Variants in RBFOX1 observed in about 807,000 individuals in gnomAD.
RBFOX1 encodes RNA binding fox-1 homolog 1.
RBFOX1 carries 8 observed loss-of-function variants against 57.7 expected under a neutral mutation model. That is an observed-to-expected ratio of 0.14 (90% CI 0.08 to 0.25). RBFOX1 has a LOEUF of 0.25. Ranked by LOEUF, RBFOX1 falls within the 10% of genes least tolerant of loss-of-function variation. The pLI, the probability that RBFOX1 is intolerant of heterozygous loss-of-function variation, is 1.00. For synonymous variants in RBFOX1, 326 were observed against 222.4 expected (o/e 1.47, Z -4.15); for missense variants, 611 against 548.5 (o/e 1.11, Z -1.14).
At chr16:6,825,842 G>A (rs62017676) in intron 3 of RBFOX1, among the ~76,000 whole-genome samples, 43,161 of 152,016 alleles carry the variant, frequency 0.28, 6,612 homozygotes, top group East Asian at 0.49. Flanking sequence ...TCTTCCATCC[G>A]GAAGGAGGAA....
chr16:5,376,279 G>T (rs1166327886), intron 1 of RBFOX1, among the ~76,000 whole-genome samples: 1 of 152,094 alleles, frequency 6.6e-6, no homozygotes, highest in African/African-American at 2.4e-5. Flanking sequence ...GCGGAACTCT[G>T]ACACCCCAGT....
At chr16:6,298,431 G>C (rs150086739) in intron 1 of RBFOX1, among the ~76,000 whole-genome samples, 15 of 152,256 alleles carry the variant, frequency 9.9e-5, no homozygotes, top group African/African-American at 3.6e-4. Context: ...GCATCCCTAA[G>C]ACATAAAAAA....
chr16:5,424,952 CTT>C (rs1250478599), intron 1 of RBFOX1, among the ~76,000 whole-genome samples: 5 of 24,438 alleles, frequency 2.0e-4, no homozygotes, highest in African/African-American at 5.9e-4. Context: ...TTCTTTCTTC[CTT>C]TGTTTCTTTC....
intron 3 of RBFOX1, among the ~76,000 whole-genome samples, chr16:5,652,560 G>A (rs1053834761): frequency 1.3e-5 from 2 of 152,150 alleles, no homozygotes; most frequent in African/African-American, 4.8e-5. Context: ...CTTCGCCAAG[G>A]CCATACCATC....
intron 1 of RBFOX1, among the ~76,000 whole-genome samples, chr16:5,409,240 C>T (rs552952594): frequency 6.6e-6 from 1 of 152,264 alleles, no homozygotes; most frequent in East Asian, 1.9e-4. Flanking sequence ...CTTGGCCTTC[C>T]TGTGTGTGGC....
intron 2 of RBFOX1, among the ~76,000 whole-genome samples, chr16:6,461,340 A>G (rs2487920): frequency 0.32 from 48,172 of 152,102 alleles, 7,853 homozygotes; most frequent in African/African-American, 0.37. Context: ...TAACTTAATT[A>G]ACTCGTTAAA....
chr16:6,460,903 A>G (rs182691094), intron 2 of RBFOX1, among the ~76,000 whole-genome samples: 25 of 152,134 alleles, frequency 1.6e-4, no homozygotes, highest in African/African-American at 5.8e-4. Flanking sequence ...ATACATGTAC[A>G]CCATGGAATA....
chr16:6,267,211 A>C (rs1208144358), intron 1 of RBFOX1, among the ~76,000 whole-genome samples: 4 of 152,216 alleles, frequency 2.6e-5, no homozygotes, highest in Admixed American at 6.5e-5. Context: ...GCAGTGATCA[A>C]AGGAAAAGTA....
At chr16:5,865,666 C>T (rs1179804239) in intron 3 of RBFOX1, among the ~76,000 whole-genome samples, 1 of 152,176 alleles carries the variant, frequency 6.6e-6, no homozygotes, top group Non-Finnish European at 1.5e-5. Flanking sequence ...GTTCTTAAGT[C>T]CTTTGTTGGA....
intron 3 of RBFOX1, among the ~76,000 whole-genome samples, chr16:5,834,380 A>G: frequency 6.6e-6 from 1 of 152,206 alleles, no homozygotes; most frequent in Non-Finnish European, 1.5e-5. Flanking sequence ...GAGTTACCTC[A>G]CTTAGAATAA....
chr16:7,136,883 G>A (rs1249841150), intron 4 of RBFOX1, among the ~76,000 whole-genome samples: 3 of 152,194 alleles, frequency 2.0e-5, no homozygotes, highest in African/African-American at 2.4e-5. Context: ...AAAATCTACT[G>A]CATGCCTGGG....
intron 2 of RBFOX1, among the ~76,000 whole-genome samples, chr16:6,586,858 C>G (rs917709384): frequency 2.5e-4 from 38 of 152,074 alleles, no homozygotes; most frequent in Admixed American, 1.6e-3. Flanking sequence ...AAGGTTTCTT[C>G]AATGAGTCTT....
At chr16:7,060,005 G>C (rs142102098) in intron 4 of RBFOX1, among the ~76,000 whole-genome samples, 2 of 152,122 alleles carry the variant, frequency 1.3e-5, no homozygotes, top group East Asian at 1.9e-4. Flanking sequence ...GTGGAAAAAA[G>C]CCCTCAGAAA....
At chr16:6,795,790 AAGAT>A (rs1169533553) in intron 3 of RBFOX1, among the ~76,000 whole-genome samples, 2 of 151,880 alleles carry the variant, frequency 1.3e-5, no homozygotes, top group Admixed American at 6.6e-5. Flanking sequence ...AAAAAAAAAA[AAGAT>A]AGTCATCGTT....
intron 3 of RBFOX1, among the ~76,000 whole-genome samples, chr16:5,864,614 A>G (rs752345677): frequency 4.6e-5 from 7 of 152,034 alleles, no homozygotes; most frequent in Non-Finnish European, 1.0e-4. Flanking sequence ...TTCATTAACA[A>G]TATATGCTGT....
At chr16:5,883,353 C>G (rs1190777131) in intron 4 of RBFOX1, among the ~76,000 whole-genome samples, 1 of 152,090 alleles carries the variant, frequency 6.6e-6, no homozygotes, top group Non-Finnish European at 1.5e-5. Context: ...TAAACAATAA[C>G]AACAAAAATA....
intron 1 of RBFOX1, among the ~76,000 whole-genome samples, chr16:5,329,247 G>A (rs1395104706): frequency 2.0e-5 from 3 of 152,142 alleles, no homozygotes; most frequent in Non-Finnish European, 4.4e-5. Context: ...AGGTTTAATT[G>A]TCTCATGGTT....
At chr16:6,290,612 A>G (rs752070283) in intron 1 of RBFOX1, among the ~76,000 whole-genome samples, 1 of 152,208 alleles carries the variant, frequency 6.6e-6, no homozygotes, top group Non-Finnish European at 1.5e-5. Context: ...CGGTCATCCT[A>G]TTGTGTCTAA....
intron 14 of RBFOX1, among the ~76,000 whole-genome samples, chr16:7,705,602 A>G (rs924520984): frequency 6.6e-6 from 1 of 152,224 alleles, no homozygotes; most frequent in African/African-American, 2.4e-5. Context: ...AGCTTATTCA[A>G]GTTTGGATTT....
Sources: allele counts gnomAD v4.1 joint callset (sites outside exome capture counted in the v4.1 genomes callset), GRCh38; gene constraint gnomAD v4.1.1; transcripts MANE v1.5; gene names NCBI Gene and HGNC (gene_info 2026-07-23, HGNC 2026-07-21).